HMGN1: variants seen among roughly 807,000 people sequenced by gnomAD.
HMGN1 encodes high mobility group nucleosome binding domain 1, also known as non-histone chromosomal protein HMG-14.
A neutral mutation model predicts 18.4 loss-of-function variants in HMGN1; 9 were observed. That is an observed-to-expected ratio of 0.49 (90% CI 0.29 to 0.85). The LOEUF is 0.85. HMGN1 is among the 40% of genes least tolerant of loss of function. The pLI is 0.07. For synonymous variants in HMGN1, 59 were observed against 45.0 expected, an observed-to-expected ratio of 1.31 and a Z score of -1.24; for missense variants, 151 against 119.2, an observed-to-expected ratio of 1.27 and a Z score of -1.24.
chr21:39,342,790 T>C lies in HMGN1; in HGVS notation c.*322A>G, dbSNP rs1029304307. Reference sequence around the variant, plus strand: ...ACTGACTCCATATTGCCATTTAATATGCTTTGTATTATAGGATATAAAAAC... The same window carrying C: ...ACTGACTCCATATTGCCATTTAATACGCTTTGTATTATAGGATATAAAAAC... On this transcript the variant is annotated 3_prime_UTR_variant, in exon 6 of 6. Coordinates refer to ENST00000380749, the MANE Select transcript of HMGN1 (RefSeq NM_004965.7). The C allele has an allele frequency of 7.8e-7, 1 of 1,289,722 alleles. No individual in the cohort carries two copies. The highest frequency in any genetic ancestry group is 1.0e-6 in the Non-Finnish European group (1 of 980,428). The allele number at this position is 1,289,722 out of a possible 1,614,324, so 79.9% of individuals were successfully genotyped here.
Position 39,345,326 on chromosome 21 carries a change from ATT to A in HMGN1, c.127-54_127-53del, listed in dbSNP as rs556438252. The A allele has an allele frequency of 2.8e-3, 4,415 of 1,562,580 alleles. 13 individuals carry two copies. The highest frequency in any genetic ancestry group is 3.6e-3 in the Non-Finnish European group (4,147 of 1,138,584). On this transcript the variant is annotated intron_variant, in intron 4 of 5. Coordinates refer to ENST00000380749, the MANE Select transcript of HMGN1 (RefSeq NM_004965.7). ...AGTACATGCTTTACTCCTTATTTAC[ATT>A]TTGTTTTACTTTTTCCCCTTCATGT...
At chr21:39,346,078 G>A (rs2037041948) in intron 4 of HMGN1, 1 of 537,362 alleles carries the variant, frequency 1.9e-6, no homozygotes, top group African/African-American at 2.0e-5. Flanking sequence ...TGAGAAGAAA[G>A]CTTAACATTT....
At chr21:39,344,918 T>G (rs1363397581) in intron 5 of HMGN1, among the ~76,000 whole-genome samples, 2 of 152,214 alleles carry the variant, frequency 1.3e-5, no homozygotes, top group African/African-American at 4.8e-5. Flanking sequence ...TATCTGAAAT[T>G]GAGCATATTA....
rs950845072 is a variant in HMGN1, at chr21:39,349,015, C to G, written c.-98G>C. On this transcript the variant is annotated 5_prime_UTR_variant, in exon 1 of 6. Coordinates refer to ENST00000380749, the MANE Select transcript of HMGN1 (RefSeq NM_004965.7). ...CGCCGACAGCCTTCGCGAAACTGGG[C>G]TGCCTTGCCGCTGCCACTCCTCCCG... 2.5e-6 allele frequency: 3 copies of G among 1,181,930 alleles called. No individual in the cohort carries two copies. The African/African-American group carries it at 4.9e-5, about 19-fold the overall frequency. The allele number at this position is 1,181,930 out of a possible 1,614,324, so 73.2% of individuals were successfully genotyped here.
intron 4 of HMGN1, 35 bp from the exon 5 acceptor site, chr21:39,345,309 C>T: frequency 6.3e-7 from 1 of 1,580,442 alleles, no homozygotes; most frequent in South Asian, 1.1e-5. Context: ...TAAGTACATG[C>T]TTTACTCCTT....
At chr21:39,347,646 C>T (rs1483989633) in intron 4 of HMGN1, 2 of 329,296 alleles carry the variant, frequency 6.1e-6, no homozygotes, top group South Asian at 2.4e-5. Context: ...ACTTGTTTTA[C>T]ACATGTTCTG....
intron 4 of HMGN1, chr21:39,347,057 A>AACAC (rs3138678): frequency 0.056 from 8,402 of 149,140 alleles, 295 homozygotes; most frequent in Non-Finnish European, 0.082. Context: ...ATTAGTTTAA[A>AACAC]ACACACACAC....
At position 39,348,456 on chromosome 21, in the gene HMGN1, G is replaced by C. The variant is rs1413915341; in HGVS notation, c.49-5C>G. 12 of 1,614,174 alleles carry C rather than the reference G, an allele frequency of 7.4e-6. No homozygotes were observed. Among genetic ancestry groups the C allele is most frequent in the Non-Finnish European group, 1.0e-5 (12 of 1,180,020 alleles). On this transcript the variant is annotated splice_region_variant and splice_polypyrimidine_tract_variant and intron_variant, in intron 2 of 5. Coordinates refer to ENST00000380749, the MANE Select transcript of HMGN1 (RefSeq NM_004965.7). ...CCGCGCCGATCTCCTCTTGGGCTTGGAGAAAGAAAAAGGAGAGTCAGCGAG... is the reference window on the plus strand; with the variant it reads ...CCGCGCCGATCTCCTCTTGGGCTTGCAGAAAGAAAAAGGAGAGTCAGCGAG...
intron 2 of HMGN1, 40 bp from the exon 3 acceptor site, chr21:39,348,491 C>CT: frequency 1.9e-6 from 3 of 1,614,126 alleles, no homozygotes; most frequent in Non-Finnish European, 2.5e-6. Flanking sequence ...GAAGAGAAGG[C>CT]AGGCCAGCGG....
rs2036919879 is a variant in HMGN1 at position 39,343,107 on chromosome 21, G to A, written c.*5C>T. On this transcript the variant is annotated 3_prime_UTR_variant, in exon 6 of 6. Coordinates refer to ENST00000380749, the MANE Select transcript of HMGN1 (RefSeq NM_004965.7). ...GGACCACTGATAAGACATGGTATAT[G>A]GTTATTAATCAGACTTGGCTTCTTT... The A allele has an allele frequency of 6.5e-7, 1 of 1,526,842 alleles. No individual in the cohort carries two copies. Among genetic ancestry groups the A allele is most frequent in the Admixed American group, 1.7e-5 (1 of 58,132 alleles). 94.6% of individuals were successfully genotyped at this position (1,526,842 alleles called of 1,614,324 possible).
rs532158100 is a variant in HMGN1 at position 39,342,767 on chromosome 21, T to C, written c.*345A>G. ...ATGTTCAAGACATTAAATGCAGGACTGACTCCATATTGCCATTTAATATGC... is the reference window on the plus strand; with the variant it reads ...ATGTTCAAGACATTAAATGCAGGACCGACTCCATATTGCCATTTAATATGC... On this transcript the variant is annotated 3_prime_UTR_variant, in exon 6 of 6. Coordinates refer to ENST00000380749, the MANE Select transcript of HMGN1 (RefSeq NM_004965.7). 6.6e-5 allele frequency: 57 copies of C among 858,432 alleles called. No homozygotes were observed. The Admixed American group carries it at 9.3e-4, about 14-fold the overall frequency. 53.2% of individuals were successfully genotyped at this position (858,432 alleles called of 1,614,324 possible). A position where few individuals can be genotyped will look rare whatever the true frequency, so the allele number is the denominator to read the frequency against.
intron 2 of HMGN1, 22 bp from the exon 3 acceptor site, chr21:39,348,473 G>A (rs779034962): frequency 2.5e-6 from 4 of 1,614,000 alleles, no homozygotes; most frequent in Non-Finnish European, 3.4e-6. Flanking sequence ...AAAAAGGAGA[G>A]TCAGCGAGAA....
intron 1 of HMGN1, 45 bp from the exon 2 acceptor site, chr21:39,348,622 G>A (rs1334495311): frequency 9.1e-6 from 14 of 1,531,200 alleles, no homozygotes; most frequent in South Asian, 6.0e-5. Flanking sequence ...CGCAGTCCCA[G>A]GACTCGCGGG....
rs750718891 is a variant in HMGN1 at position 39,343,125 on chromosome 21, G to A, written c.290C>T (p.Ala97Val). ...PASDEAGEKE[A>V]KSD ...GGTATATGGTTATTAATCAGACTTG[G>A]CTTCTTTCTCTCCTGCTTCATCAGA... The change falls in exon 6 of 6, where the codon GCC becomes GTC. Residue 97 changes from alanine to valine, a missense_variant. By Grantham distance (64) the Ala-to-Val change is moderately conservative (BLOSUM62 0). Coordinates refer to ENST00000380749, the MANE Select transcript of HMGN1 (RefSeq NM_004965.7). 2.5e-6 allele frequency: 4 copies of A among 1,591,218 alleles called. No homozygotes were observed. The Admixed American group carries it at 5.1e-5, about 20-fold the overall frequency.
intron 4 of HMGN1, chr21:39,346,255 G>A (rs551359760): frequency 9.4e-5 from 31 of 330,854 alleles, no homozygotes; most frequent in Non-Finnish European, 1.6e-4. Context: ...AATCACTGCA[G>A]GGTGTTCTGT....
intron 4 of HMGN1, chr21:39,347,269 A>G (rs904040810): frequency 7.1e-6 from 6 of 843,530 alleles, no homozygotes; most frequent in Admixed American, 4.7e-5. Context: ...TTTATTTTTA[A>G]AAGGATCACA....
At chr21:39,346,291 CATA>C (rs2037051793) in intron 4 of HMGN1, 3 of 243,766 alleles carry the variant, frequency 1.2e-5, no homozygotes, top group Admixed American at 5.3e-5. Context: ...CCACAGACAG[CATA>C]ATGACTTTTA....
intron 5 of HMGN1, among the ~76,000 whole-genome samples, chr21:39,344,143 C>T (rs2146852651): frequency 6.6e-6 from 1 of 151,802 alleles, no homozygotes; most frequent in South Asian, 2.1e-4. Context: ...GTAATCCCAG[C>T]CGCTCAGGAG....
At chr21:39,348,136 T>G in intron 4 of HMGN1, 156 bp downstream of exon 4, 1 of 973,182 alleles carries the variant, frequency 1.0e-6, no homozygotes, top group Middle Eastern at 3.3e-4. Flanking sequence ...GATGAATATA[T>G]CCATTACATT....
Sources: allele counts gnomAD v4.1 joint callset (sites outside exome capture counted in the v4.1 genomes callset), GRCh38; gene constraint gnomAD v4.1.1; transcripts MANE v1.5; gene names NCBI Gene and HGNC (gene_info 2026-07-23, HGNC 2026-07-21).